GSTO2: variants seen among roughly 807,000 people sequenced by gnomAD.
The protein encoded by GSTO2 is glutathione S-transferase omega 2.
A neutral mutation model predicts 28.4 loss-of-function variants in GSTO2; 23 were observed. That is an observed-to-expected ratio of 0.81 (90% CI 0.58 to 1.15). The LOEUF (loss-of-function observed/expected upper bound fraction) is 1.15, where lower values mean the gene tolerates loss of function less well. GSTO2 is among the 50% of genes most tolerant of loss of function. The pLI is 0.00. For synonymous variants in GSTO2, 109 were observed against 111.0 expected, an observed-to-expected ratio of 0.98 and a Z score of 0.11; for missense variants, 298 against 297.8, an observed-to-expected ratio of 1.00 and a Z score of 0.00.
chr10:104,295,044 A>T (rs2012960064), intron 5 of GSTO2: 3 of 152,154 alleles, frequency 2.0e-5, no homozygotes, highest in Admixed American at 2.0e-4. Context: ...GCTTGGTGTA[A>T]ATTTGGTTCT....
intron 5 of GSTO2, among the ~76,000 whole-genome samples, chr10:104,281,431 G>A (rs1016149737): frequency 2.0e-5 from 3 of 152,080 alleles, no homozygotes; most frequent in African/African-American, 4.8e-5. Context: ...TGAATTCAAC[G>A]ATACAGTAAT....
intron 1 of GSTO2, among the ~76,000 whole-genome samples, chr10:104,273,403 G>C (rs1040593473): frequency 6.6e-6 from 1 of 152,100 alleles, no homozygotes; most frequent in Non-Finnish European, 1.5e-5. Context: ...TATTATCTAA[G>C]CTTATTTCAC....
At chr10:104,284,039 G>A (rs1430077547) in intron 5 of GSTO2, among the ~76,000 whole-genome samples, 1 of 117,576 alleles carries the variant, frequency 8.5e-6, no homozygotes, top group Non-Finnish European at 1.9e-5. Flanking sequence ...TTTTTGGCTT[G>A]TTTTTTTGTT....
intron 1 of GSTO2, among the ~76,000 whole-genome samples, chr10:104,273,508 T>C (rs546189223): frequency 6.6e-6 from 1 of 152,342 alleles, no homozygotes; most frequent in South Asian, 2.1e-4. Flanking sequence ...GTTAACACTA[T>C]TATTAACCAA....
rs1564855869 is a variant in GSTO2 at position 104,301,503 on chromosome 10, C to T, written c.*2219C>T. On this transcript the variant is annotated 3_prime_UTR_variant, in exon 7 of 7. Transcript: ENST00000338595. ...GCTTCTTTGTCACTTGTCTGACCCACAGAGAAAACTGAGTTATCAATCTTT... is the reference window on the plus strand; with the variant it reads ...GCTTCTTTGTCACTTGTCTGACCCATAGAGAAAACTGAGTTATCAATCTTT... 2 of 152,062 alleles carry T rather than the reference C, an allele frequency of 1.3e-5. No individual in the cohort carries two copies. Among genetic ancestry groups the T allele is most frequent in the Non-Finnish European group, 2.9e-5 (2 of 68,028 alleles). The allele number at this position is 152,062 out of a possible 1,614,324, so 9.4% of individuals were successfully genotyped here. A position where few individuals can be genotyped will look rare whatever the true frequency, so the allele number is the denominator to read the frequency against.
At chr10:104,270,452 GC>G (rs1367863694) in intron 1 of GSTO2, among the ~76,000 whole-genome samples, 1 of 152,016 alleles carries the variant, frequency 6.6e-6, no homozygotes, top group African/African-American at 2.4e-5. Context: ...TTGACAATTT[GC>G]CTTTACTTAT....
At chr10:104,286,299 C>T (rs1269282018) in intron 5 of GSTO2, among the ~76,000 whole-genome samples, 1 of 152,216 alleles carries the variant, frequency 6.6e-6, no homozygotes, top group African/African-American at 2.4e-5. Flanking sequence ...CACTGATCTG[C>T]TTTCTGTCTC....
chr10:104,275,360 C>A (rs995973190), intron 3 of GSTO2, 26 bp downstream of exon 3: 24 of 1,609,264 alleles, frequency 1.5e-5, no homozygotes, highest in Non-Finnish European at 2.0e-5. Flanking sequence ...CCAGAGCCCC[C>A]GAGCAAACCC....
At chr10:104,286,043 A>G (rs991390556) in intron 5 of GSTO2, 11 of 258,612 alleles carry the variant, frequency 4.3e-5, no homozygotes, top group Non-Finnish European at 8.0e-5. Flanking sequence ...CATCTAAGTT[A>G]ACATGTCTAT....
At chr10:104,291,177 T>C (rs2012746834) in intron 5 of GSTO2, 1 of 152,186 alleles carries the variant, frequency 6.6e-6, no homozygotes, top group Non-Finnish European at 1.5e-5. Context: ...TTCTGCTTTT[T>C]TGGGGGGCAG....
At chr10:104,291,736 G>C (rs920178328) in intron 5 of GSTO2, 3 of 152,352 alleles carry the variant, frequency 2.0e-5, no homozygotes, top group East Asian at 1.9e-4. Context: ...CTACCAAGCA[G>C]TCCCTTCCTC....
At chr10:104,283,267 C>G (rs953138443) in intron 5 of GSTO2, among the ~76,000 whole-genome samples, 1 of 152,148 alleles carries the variant, frequency 6.6e-6, no homozygotes, top group African/African-American at 2.4e-5. Flanking sequence ...ATTTAAGGAC[C>G]ACTGAGTACT....
At chr10:104,284,130 C>T (rs1405485172) in intron 5 of GSTO2, among the ~76,000 whole-genome samples, 2 of 151,050 alleles carry the variant, frequency 1.3e-5, no homozygotes, top group African/African-American at 4.9e-5. Context: ...GAGGCCGAGG[C>T]GGGCAGATCA....
At chr10:104,294,683 G>A (rs2012942976) in intron 5 of GSTO2, among the ~76,000 whole-genome samples, 1 of 152,164 alleles carries the variant, frequency 6.6e-6, no homozygotes, top group Non-Finnish European at 1.5e-5. Context: ...TGCTGAGCGG[G>A]GGACTGGTGA....
intron 3 of GSTO2, among the ~76,000 whole-genome samples, chr10:104,277,483 G>A (rs1428057773): frequency 1.3e-5 from 2 of 152,014 alleles, no homozygotes; most frequent in Non-Finnish European, 2.9e-5. Context: ...ATGGGGTTTT[G>A]CCATGTTGGC....
At position 104,279,490 on chromosome 10, in the gene GSTO2, C is replaced by A; in HGVS notation, c.468+19C>A. ...GGAAGAGGTACAAAAAGGGGTCCCTCTCCTGGTCAGCTACAGTGGAGGAAG... is the reference window on the plus strand; with the variant it reads ...GGAAGAGGTACAAAAAGGGGTCCCTATCCTGGTCAGCTACAGTGGAGGAAG... On this transcript the variant is annotated intron_variant, in intron 5 of 6. Coordinates refer to ENST00000338595, the MANE Select transcript of GSTO2 (RefSeq NM_183239.2). 6.4e-7 allele frequency: 1 copy of A among 1,573,256 alleles called. No homozygotes were observed. Among genetic ancestry groups the A allele is most frequent in the Non-Finnish European group, 8.7e-7 (1 of 1,143,220 alleles).
intron 1 of GSTO2, among the ~76,000 whole-genome samples, chr10:104,273,728 G>A (rs1284211581): frequency 6.6e-6 from 1 of 152,162 alleles, no homozygotes; most frequent in Admixed American, 6.5e-5. Context: ...TCAAGCTTTG[G>A]ACTTTTAAAG....
chr10:104,275,446 T>G (rs1589856819), intron 3 of GSTO2, 112 bp downstream of exon 3: 2 of 877,394 alleles, frequency 2.3e-6, no homozygotes, highest in East Asian at 5.7e-5. Context: ...TCCCTGTCCC[T>G]TTTTTCGGAG....
At chr10:104,292,566 G>A (rs1376582160) in intron 5 of GSTO2, among the ~76,000 whole-genome samples, 1 of 151,738 alleles carries the variant, frequency 6.6e-6, no homozygotes, top group African/African-American at 2.4e-5. Flanking sequence ...AGGCTCAGGT[G>A]GTCCTCCCAC....
Sources: gnomAD v4.1 joint callset for allele counts (sites outside exome capture counted in the v4.1 genomes callset) on GRCh38, gnomAD v4.1.1 for gene constraint, MANE v1.5 for transcripts, NCBI Gene and HGNC (gene_info 2026-07-23, HGNC 2026-07-21) for gene names.